Variants in GDPD2 observed in about 807,000 individuals in gnomAD.
GDPD2 encodes the protein glycerophosphodiester phosphodiesterase domain containing 2, also known as glycerophosphodiester phosphodiesterase 3.
A neutral mutation model predicts 49.2 loss-of-function variants in GDPD2; 23 were observed. The observed-to-expected ratio is 0.47, with a 90% CI of 0.34 to 0.66. The LOEUF (loss-of-function observed/expected upper bound fraction) is 0.66. GDPD2 is among the 30% of genes least tolerant of loss of function. The pLI, the probability that GDPD2 is intolerant of heterozygous loss-of-function variation, is 0.01. For missense variants in GDPD2, 338 were observed against 424.7 expected, an observed-to-expected ratio of 0.80 and a Z score of 1.79; for synonymous variants, 167 against 171.4, an observed-to-expected ratio of 0.97 and a Z score of 0.20.
At chrX:70,429,406 A>C (rs2086454524) in intron 10 of GDPD2, 87 bp from the exon 11 acceptor site, 3 of 584,022 alleles carry the variant, frequency 5.1e-6, no homozygotes, top group African/African-American at 2.3e-5. Flanking sequence ...GCTGGACACC[A>C]AGTGGAAGAT....
intron 12 of GDPD2, chrX:70,430,996 C>T (rs752838338): frequency 8.1e-6 from 4 of 492,080 alleles, no homozygotes; most frequent in Non-Finnish European, 1.4e-5. Context: ...ACTACCTGCC[C>T]AGGCTGGTCT....
intron 10 of GDPD2, 119 bp downstream of exon 10, chrX:70,427,582 C>A: frequency 3.5e-6 from 2 of 575,893 alleles, no homozygotes; most frequent in Non-Finnish European, 5.4e-6. Context: ...ATAGTCTGTG[C>A]TCTCAAGTCA....
chrX:70,432,275 G>A, intron 12 of GDPD2, 32 bp from the exon 13 acceptor site: 1 of 1,185,275 alleles, frequency 8.4e-7, no homozygotes, highest in Non-Finnish European at 1.1e-6. Flanking sequence ...CATGATTCTG[G>A]ACATTCCCTA....
In GDPD2 at chrX:70,429,703, C is replaced by T; in HGVS notation, c.1147C>T (p.Pro383Ser). Reference protein sequence around the residue: ...TLETVLNARVPQAMVFWLPDE... With the variant: ...TLETVLNARVSQAMVFWLPDE... The stretch of plus-strand genomic sequence containing the variant: ...GGAGACTGTGCTGAATGCAAGGGTG[C>T]CCCAAGCCATGGTGATGTTGCCAGG... The change falls in exon 11 of 16, where the codon CCC (proline) becomes TCC (serine). Residue 383 changes from proline (P) to serine (S), a missense_variant. Transcript: ENST00000374382. The T allele has an allele frequency of 8.4e-7, 1 of 1,192,519 alleles. No individual in the cohort carries two copies. Among genetic ancestry groups the T allele is most frequent in the Non-Finnish European group, 1.1e-6 (1 of 878,740 alleles).
In GDPD2 at chrX:70,425,395, C is replaced by T. The variant is rs61729491; in HGVS notation, c.147C>T (p.Leu49=). 421 of 1,204,655 alleles carry T rather than the reference C, an allele frequency of 3.5e-4. 3 individuals carry two copies. The African/African-American group carries it at 6.3e-3, about 18-fold the overall frequency. ...IWFGLLFLTF[L]LSLSWLYIGL... is the part of the protein sequence containing the mutation. ...TTGGCCTGCTCTTCCTCACCTTCCT[C>T]CTTTCCCTGAGCTGGCTGTACATCG... The change falls in exon 3 of 16, where the codon CTC becomes CTT. Residue 49 remains leucine, a synonymous_variant. Coordinates refer to ENST00000374382, the MANE Select transcript of GDPD2 (RefSeq NM_017711.4).
At chrX:70,428,673 T>A (rs934595819) in intron 10 of GDPD2, among the ~76,000 whole-genome samples, 3 of 112,429 alleles carry the variant, frequency 2.7e-5, no homozygotes, top group Middle Eastern at 4.6e-3. Flanking sequence ...GAGGCAGGAT[T>A]TCTTAGTCTC....
At position 70,425,773 on chromosome X, in the gene GDPD2, C is replaced by G. The variant is rs1445498549; in HGVS notation, c.220C>G (p.Arg74Gly). ...DLHNFNEFLFRRWGHWMDWSL... is the reference protein window; with the variant it reads ...DLHNFNEFLFGRWGHWMDWSL... ...TCTCCCCTCCCACAGATTCCTCTTC[C>G]GCCGCTGGGGACACTGGATGGACTG... Residue 74 changes from arginine to glycine, a missense_variant, in exon 4 of 16, where the codon CGC becomes GGC. By Grantham distance (125) the Arg-to-Gly change is moderately radical. This residue lies in a region of GDPD2 where 75 missense variants were observed against 67.6 expected (regional missense o/e 1.11). Transcript: ENST00000374382. 13 of 1,184,333 alleles carry G rather than the reference C, an allele frequency of 1.1e-5. No homozygotes were observed. Among genetic ancestry groups the G allele is most frequent in the Non-Finnish European group, 1.4e-5 (12 of 873,108 alleles).
At chrX:70,425,989 C>G (rs2086419782) in intron 4 of GDPD2, 63 bp from the exon 5 acceptor site, 1 of 1,010,066 alleles carries the variant, frequency 9.9e-7, no homozygotes, top group Non-Finnish European at 1.4e-6. Flanking sequence ...GCCTGGGAAG[C>G]CCACCTCAGT....
intron 6 of GDPD2, 55 bp downstream of exon 6, chrX:70,426,524 A>G: frequency 9.1e-7 from 1 of 1,093,278 alleles, no homozygotes; most frequent in Non-Finnish European, 1.3e-6. Context: ...AGCCAACCCT[A>G]GAACATATCT....
chrX:70,426,075 T>G lies in GDPD2; in HGVS notation c.327T>G (p.Leu109=). 8.3e-7 allele frequency: 1 copy of G among 1,208,608 alleles called. No homozygotes were observed. Residue 109 remains leucine (L), a synonymous_variant, in exon 5 of 16, where the codon CTT becomes CTG. Coordinates refer to ENST00000374382, the MANE Select transcript of GDPD2 (RefSeq NM_017711.4). The part of the protein sequence containing the change: ...LLLVLALLLR[L]CRQPLHLHSL... ...AGGTCCTGGCCCTGCTCCTGCGGCT[T>G]TGTAGACAGCCCCTGCATCTGCACA...
At chrX:70,429,766 G>A in intron 11 of GDPD2, 52 bp downstream of exon 11, 1 of 1,077,842 alleles carries the variant, frequency 9.3e-7, no homozygotes. Flanking sequence ...AGGCCATGAT[G>A]ATGAGGATGA....
At chrX:70,428,775 T>G (rs2086449044) in intron 10 of GDPD2, among the ~76,000 whole-genome samples, 1 of 112,171 alleles carries the variant, frequency 8.9e-6, no homozygotes, top group Non-Finnish European at 1.9e-5. Flanking sequence ...TCAATGCACA[T>G]AAAGTACTTA....
intron 11 of GDPD2, 94 bp downstream of exon 11, chrX:70,429,808 C>T: frequency 9.4e-7 from 1 of 1,065,155 alleles, no homozygotes; most frequent in African/African-American, 1.8e-5. Flanking sequence ...CAGGGCCCTG[C>T]CCCAGCTCAC....
intron 10 of GDPD2, among the ~76,000 whole-genome samples, chrX:70,428,487 A>G (rs146262038): frequency 1.8e-5 from 2 of 112,304 alleles, no homozygotes; most frequent in East Asian, 5.5e-4. Context: ...GTGCATCTGC[A>G]TACACAAACT....
In GDPD2 at chrX:70,425,423, C is replaced by A; in HGVS notation, c.175C>A (p.Leu59Ile). The A allele has an allele frequency of 8.4e-7, 1 of 1,194,417 alleles. No homozygotes were observed. Among genetic ancestry groups the A allele is most frequent in the African/African-American group, 1.7e-5 (1 of 57,235 alleles). Residue 59 changes from leucine to isoleucine, a missense_variant, in exon 3 of 16, where the codon CTC (leucine) becomes ATC (isoleucine). Transcript: ENST00000374382. ...LLSLSWLYIGLVLLNDLHNFN... is the reference protein window; with the variant it reads ...LLSLSWLYIGIVLLNDLHNFN... Reference sequence around the variant, plus strand: ...TTCCCTGAGCTGGCTGTACATCGGGCTCGTCCTTCTCAATGACCTGCACAA... The same window carrying A: ...TTCCCTGAGCTGGCTGTACATCGGGATCGTCCTTCTCAATGACCTGCACAA...
At chrX:70,425,514 T>C in intron 3 of GDPD2, 57 bp downstream of exon 3, 1 of 839,257 alleles carries the variant, frequency 1.2e-6, no homozygotes, top group Non-Finnish European at 1.8e-6. Context: ...CTCCCCACCC[T>C]GGGACCCGGG....
intron 7 of GDPD2, 33 bp downstream of exon 7, chrX:70,426,774 G>A (rs779888260): frequency 1.7e-6 from 2 of 1,166,208 alleles, no homozygotes; most frequent in Non-Finnish European, 2.3e-6. Flanking sequence ...CACCCTTGCT[G>A]GCCACTCATG....
intron 1 of GDPD2, 130 bp from the exon 2 acceptor site, chrX:70,424,846 C>T: frequency 2.2e-6 from 1 of 450,158 alleles, no homozygotes; most frequent in Non-Finnish European, 3.8e-6. Flanking sequence ...CTGGGCCTGC[C>T]CCGTGACCTC....
At chrX:70,432,006 T>C (rs999239629) in intron 12 of GDPD2, among the ~76,000 whole-genome samples, 4 of 112,222 alleles carry the variant, frequency 3.6e-5, no homozygotes, top group Admixed American at 2.8e-4. Flanking sequence ...CTGAAGGAGC[T>C]GGGGCTGTGG....
Sources: gnomAD v4.1 joint callset for allele counts (sites outside exome capture counted in the v4.1 genomes callset) on GRCh38, gnomAD v4.1.1 for gene constraint, gnomAD v4.1.1 regional missense constraint, MANE v1.5 for transcripts, NCBI Gene and HGNC (gene_info 2026-07-23, HGNC 2026-07-21) for gene names.